The following UGT1A5 variants were observed in gnomAD, a reference collection of about 807,000 sequenced individuals.
UGT1A5 encodes UDP glucuronosyltransferase family 1 member A5, also known as UDP-glucuronosyltransferase 1A5.
Under a neutral mutation model 40.3 loss-of-function variants are expected in UGT1A5, and 29 were observed. That is an observed-to-expected ratio of 0.72 (90% CI 0.54 to 0.98). The LOEUF (loss-of-function observed/expected upper bound fraction) is 0.98. Among genes scored for constraint, UGT1A5 ranks in the 50% least tolerant of loss-of-function variants. UGT1A5 has a pLI of 0.00. For synonymous variants in UGT1A5, 257 were observed against 262.5 expected, an observed-to-expected ratio of 0.98 and a Z score of 0.20; for missense variants, 678 against 677.9, an observed-to-expected ratio of 1.00 and a Z score of 0.00.
chr2:233,767,774 T>C lies in UGT1A5; in HGVS notation c.1000-75T>C, dbSNP rs749703763. On this transcript the variant is annotated intron_variant, in intron 2 of 4. Transcript: ENST00000373414. ...GTTCCTTCAGAGGACCCCTGTTTTC[T>C]AGTTAGTATAGCAGATTTGTTTTCT... The C allele has an allele frequency of 2.2e-5, 36 of 1,612,214 alleles. No homozygotes were observed. In the South Asian group the frequency reaches 3.9e-4, roughly 17 times the overall value.
chr2:233,722,742 T>C (rs1475183265), intron 1 of UGT1A5, among the ~76,000 whole-genome samples: 1 of 152,178 alleles, frequency 6.6e-6, no homozygotes, highest in African/African-American at 2.4e-5. Flanking sequence ...TTTGATGCAG[T>C]GACTGTCTAT....
chr2:233,726,131 A>C (rs190150615), intron 1 of UGT1A5, among the ~76,000 whole-genome samples: 156 of 152,186 alleles, frequency 1.0e-3, no homozygotes, highest in African/African-American at 3.6e-3. Flanking sequence ...ACACCACCTC[A>C]CTCCAGCCCG....
intron 1 of UGT1A5, among the ~76,000 whole-genome samples, chr2:233,731,354 T>C (rs910917478): frequency 6.6e-5 from 10 of 151,866 alleles, no homozygotes; most frequent in African/African-American, 2.4e-4. Context: ...GATACATAGG[T>C]ATACATGTGC....
chr2:233,714,950 C>T (rs2076424956), intron 1 of UGT1A5, among the ~76,000 whole-genome samples: 1 of 152,298 alleles, frequency 6.6e-6, no homozygotes, highest in South Asian at 2.1e-4. Context: ...GATCTTGGCT[C>T]ATTGCAACCT....
At chr2:233,730,554 A>G (rs1442636181) in intron 1 of UGT1A5, among the ~76,000 whole-genome samples, 1 of 152,192 alleles carries the variant, frequency 6.6e-6, no homozygotes, top group Non-Finnish European at 1.5e-5. Context: ...CTGTGATTAG[A>G]GAATGACACA....
intron 1 of UGT1A5, among the ~76,000 whole-genome samples, chr2:233,732,442 G>A (rs1257874591): frequency 6.6e-6 from 1 of 152,146 alleles, no homozygotes; most frequent in Non-Finnish European, 1.5e-5. Flanking sequence ...TATGGTTTTA[G>A]GTCTAACATT....
intron 1 of UGT1A5, chr2:233,721,922 G>A: frequency 2.5e-6 from 1 of 400,722 alleles, no homozygotes; most frequent in Non-Finnish European, 5.0e-6. Flanking sequence ...CTTCCATAAA[G>A]TGACATCCTT....
At chr2:233,765,924 G>C (rs1285485148) in intron 1 of UGT1A5, among the ~76,000 whole-genome samples, 1 of 152,060 alleles carries the variant, frequency 6.6e-6, no homozygotes, top group East Asian at 1.9e-4. Context: ...GCATACAGAC[G>C]GGCAGGTTGT....
chr2:233,715,359 CTT>C (rs892962742), intron 1 of UGT1A5, among the ~76,000 whole-genome samples: 5 of 150,138 alleles, frequency 3.3e-5, no homozygotes, highest in Non-Finnish European at 7.4e-5. Context: ...AGGTTTGAGA[CTT>C]ATATTTTCTT....
intron 1 of UGT1A5, chr2:233,752,584 T>C (rs903855618): frequency 6.6e-6 from 1 of 152,196 alleles, no homozygotes; most frequent in Non-Finnish European, 1.5e-5. Context: ...CATTCCCATC[T>C]CTACAAGATT....
chr2:233,732,226 C>A (rs1208846132), intron 1 of UGT1A5, among the ~76,000 whole-genome samples: 1 of 152,142 alleles, frequency 6.6e-6, no homozygotes, highest in Non-Finnish European at 1.5e-5. Context: ...AAAATTTTCT[C>A]CCATTCTGTA....
At chr2:233,750,699 C>T (rs1694542281) in intron 1 of UGT1A5, 1 of 151,888 alleles carries the variant, frequency 6.6e-6, no homozygotes, top group South Asian at 2.1e-4. Context: ...TAAAAGAGGC[C>T]AAGGTAGAGC....
intron 1 of UGT1A5, chr2:233,722,006 C>G (rs1031101213): frequency 6.6e-5 from 17 of 257,220 alleles, no homozygotes; most frequent in African/African-American, 2.9e-4. Context: ...TTTAAGTGAA[C>G]AGGAAAACTG....
At chr2:233,757,944 T>C (rs1201251132) in intron 1 of UGT1A5, among the ~76,000 whole-genome samples, 1 of 152,112 alleles carries the variant, frequency 6.6e-6, no homozygotes, top group Non-Finnish European at 1.5e-5. Context: ...ACCATCATAT[T>C]GCTGCCCTGC....
At chr2:233,735,635 G>T (rs1575610162) in intron 1 of UGT1A5, among the ~76,000 whole-genome samples, 2 of 152,280 alleles carry the variant, frequency 1.3e-5, no homozygotes, top group East Asian at 3.9e-4. Flanking sequence ...GCATGTTTTT[G>T]CAGTGGCTGG....
At chr2:233,732,952 T>C (rs1235178587) in intron 1 of UGT1A5, among the ~76,000 whole-genome samples, 1 of 152,176 alleles carries the variant, frequency 6.6e-6, no homozygotes, top group East Asian at 1.9e-4. Flanking sequence ...GCATGGAATG[T>C]TCTTCCATTT....
At chr2:233,752,428 G>C (rs538581016) in intron 1 of UGT1A5, 1 of 152,028 alleles carries the variant, frequency 6.6e-6, no homozygotes, top group African/African-American at 2.4e-5. Context: ...CTGATTTATC[G>C]AACCCTTTTA....
At chr2:233,743,095 G>C (rs1692201542) in intron 1 of UGT1A5, 3 of 349,024 alleles carry the variant, frequency 8.6e-6, no homozygotes, top group African/African-American at 6.5e-5. Flanking sequence ...ATAAATTCTT[G>C]GGTACAGCTG....
chr2:233,729,232 A>T, intron 1 of UGT1A5: 1 of 1,614,202 alleles, frequency 6.2e-7, no homozygotes, highest in African/African-American at 1.3e-5. Flanking sequence ...GGTGGTGCCC[A>T]TTGATGGCAG....
Sources: allele counts gnomAD v4.1 joint callset (sites outside exome capture counted in the v4.1 genomes callset), GRCh38; gene constraint gnomAD v4.1.1; transcripts MANE v1.5; gene names NCBI Gene and HGNC (gene_info 2026-07-23, HGNC 2026-07-21).